SENP6: variants seen among roughly 807,000 people sequenced by gnomAD.
The protein encoded by SENP6 is sentrin-specific protease 6.
In SENP6, 41 loss-of-function variants were observed where a neutral mutation model predicts 134.5. The observed-to-expected ratio is 0.30, with a 90% CI of 0.24 to 0.40. The LOEUF is 0.40. Among genes scored for constraint, SENP6 ranks in the 10% least tolerant of loss-of-function variants. The pLI is 1.00. For missense variants in SENP6, 1,248 were observed against 1,312.5 expected (o/e 0.95, Z 0.76); for synonymous variants, 395 against 429.8 (o/e 0.92, Z 1.00).
rs201645101 is a variant in SENP6, at chr6:75,663,491, A to C, written c.967A>C (p.Thr323Pro). The change falls in exon 9 of 24, where the codon ACA becomes CCA. Residue 323 changes from threonine (T) to proline (P), a missense_variant. Thr to Pro is a conservative substitution (Grantham distance 38). Coordinates refer to ENST00000447266, the MANE Select transcript of SENP6 (RefSeq NM_015571.4). ...PKITNLKERK[T>P]SLSDLNDPII... Reference sequence around the variant, plus strand: ...AATCACAAACTTGAAAGAAAGGAAAACAAGTTTGTCAGACCTAAATGATCC... The same window carrying C: ...AATCACAAACTTGAAAGAAAGGAAACCAAGTTTGTCAGACCTAAATGATCC... 1,502 of 1,611,520 alleles carry C rather than the reference A, an allele frequency of 9.3e-4. No homozygotes were observed. The highest frequency in any genetic ancestry group is 1.2e-3 in the Non-Finnish European group (1,457 of 1,179,620).
At chr6:75,666,680 A>ATATAAAT (rs749531742) in intron 9 of SENP6, 32 bp from the exon 10 acceptor site, 1 of 1,025,512 alleles carries the variant, frequency 9.8e-7, no homozygotes, top group African/African-American at 1.7e-5. Flanking sequence ...TATAGTTTTA[A>ATATAAAT]TATAAATTAT....
intron 5 of SENP6, among the ~76,000 whole-genome samples, chr6:75,637,722 A>G (rs955433301): frequency 6.6e-6 from 1 of 152,122 alleles, no homozygotes; most frequent in Non-Finnish European, 1.5e-5. Context: ...TCTTTTTATC[A>G]TCTTTATCTT....
rs1310595347 is a variant in SENP6, at chr6:75,716,813, A to C, written c.*1219A>C. The stretch of plus-strand genomic sequence containing the variant: ...TGAATTTTTAAATACACATATATCA[A>C]AAATAGTTGAGAATAAAAAGAAAGC... On this transcript the variant is annotated 3_prime_UTR_variant, in exon 24 of 24. Transcript: ENST00000447266. The C allele has an allele frequency of 6.6e-6, 1 of 151,998 alleles. No homozygotes were observed. The highest frequency in any genetic ancestry group is 1.5e-5 in the Non-Finnish European group (1 of 67,842). The allele number at this position is 151,998 out of a possible 1,614,324, so 9.4% of individuals were successfully genotyped here.
At chr6:75,661,718 T>C (rs1771789869) in intron 8 of SENP6, among the ~76,000 whole-genome samples, 1 of 152,160 alleles carries the variant, frequency 6.6e-6, no homozygotes, top group African/African-American at 2.4e-5. Context: ...CCATGTATAG[T>C]CTCTGAAATT....
rs111464982 is a variant in SENP6, at chr6:75,624,965, C to CT, written c.207+1006dup. Among the ~76,000 whole-genome samples, 1,354 of 152,016 alleles carry CT rather than the reference C, an allele frequency of 8.9e-3. 18 individuals are homozygous for CT. Among genetic ancestry groups the CT allele is most frequent in the African/African-American group, 0.031 (1,304 of 41,458 alleles). ...TGGACAACATAGTGAGACTCCATCT[C>CT]TAAAAAATAAAAAATTTTGCACTGT... On this transcript the variant is annotated intron_variant, in intron 3 of 23. Coordinates refer to ENST00000447266, the MANE Select transcript of SENP6 (RefSeq NM_015571.4).
chr6:75,643,319 A>G (rs777881195), intron 6 of SENP6, among the ~76,000 whole-genome samples: 2 of 152,220 alleles, frequency 1.3e-5, no homozygotes, highest in Non-Finnish European at 2.9e-5. Context: ...GTTTACAAGC[A>G]TCATACTAAA....
intron 19 of SENP6, among the ~76,000 whole-genome samples, chr6:75,707,385 A>G (rs1775476100): frequency 2.1e-5 from 2 of 94,834 alleles, no homozygotes; most frequent in South Asian, 6.6e-4. Flanking sequence ...TTTTTTTGAG[A>G]CAGGGTCTCA....
intron 1 of SENP6, among the ~76,000 whole-genome samples, chr6:75,615,304 C>G (rs980108945): frequency 6.6e-6 from 1 of 152,100 alleles, no homozygotes; most frequent in Non-Finnish European, 1.5e-5. Flanking sequence ...GTCAGCCTCC[C>G]GAGTAGCTGG....
intron 1 of SENP6, among the ~76,000 whole-genome samples, chr6:75,614,376 C>T (rs934612413): frequency 6.6e-6 from 1 of 151,210 alleles, no homozygotes; most frequent in African/African-American, 2.4e-5. Flanking sequence ...AGCCATTCTT[C>T]TGCCTCAGCC....
Position 75,705,912 on chromosome 6 carries a change from G to A in SENP6, c.2716+2840G>A, listed in dbSNP as rs1022481553. 1.6e-4 allele frequency among the ~76,000 whole-genome samples: 15 copies of A among 91,864 alleles called. 1 individual carries two copies. Among genetic ancestry groups the A allele is most frequent in the African/African-American group, 5.4e-4 (15 of 27,972 alleles). The allele number at this position is 91,864 out of a possible 152,430, so 60.3% of individuals were successfully genotyped here. A position where few individuals can be genotyped will look rare whatever the true frequency, so the allele number is the denominator to read the frequency against. On this transcript the variant is annotated intron_variant, in intron 19 of 23. Transcript: ENST00000447266. ...TTATATTATTTTAGTGAGTTAGAAAGCTATTTTTGAGCCTTTTTTTTTTTT... is the reference window on the plus strand; with the variant it reads ...TTATATTATTTTAGTGAGTTAGAAAACTATTTTTGAGCCTTTTTTTTTTTT...
intron 1 of SENP6, among the ~76,000 whole-genome samples, chr6:75,612,959 C>CA (rs1360519315): frequency 6.6e-6 from 1 of 151,898 alleles, no homozygotes; most frequent in Non-Finnish European, 1.5e-5. Context: ...ACTAAAAATA[C>CA]AAAAATCAGC....
At chr6:75,679,802 C>T (rs528058285) in intron 16 of SENP6, 4 of 152,240 alleles carry the variant, frequency 2.6e-5, no homozygotes, top group African/African-American at 9.6e-5. Context: ...ATGCATAGTT[C>T]TCTGTAATAT....
chr6:75,675,804 A>G, intron 12 of SENP6, 56 bp from the exon 13 acceptor site: 1 of 1,420,726 alleles, frequency 7.0e-7, no homozygotes, highest in Non-Finnish European at 9.6e-7. Flanking sequence ...AATTTCCCCC[A>G]TTCATGATAT....
intron 16 of SENP6, among the ~76,000 whole-genome samples, chr6:75,682,417 T>A (rs76580912): frequency 4.6e-5 from 7 of 151,914 alleles, no homozygotes; most frequent in African/African-American, 9.7e-5. Context: ...TTTTTTTTTT[T>A]AATTATACTT....
intron 7 of SENP6, among the ~76,000 whole-genome samples, chr6:75,657,875 A>G (rs1265655676): frequency 6.6e-6 from 1 of 152,204 alleles, no homozygotes; most frequent in Non-Finnish European, 1.5e-5. Context: ...AGGGTAAAAG[A>G]GAGAACACAT....
chr6:75,715,455 A>C lies in SENP6; in HGVS notation c.3200A>C (p.Lys1067Thr). 6.2e-7 allele frequency: 1 copy of C among 1,613,616 alleles called. No homozygotes were observed. The highest frequency in any genetic ancestry group is 1.1e-5 in the South Asian group (1 of 91,064). The stretch of plus-strand genomic sequence containing the variant: ...TTTCCTCCACCAAGAATGAGAACAA[A>C]AAGAGAAGAAATCCGAAACATAATT... ...NWFPPPRMRT[K>T]REEIRNIILK... Residue 1067 changes from lysine to threonine, a missense_variant, in exon 24 of 24, where the codon AAA becomes ACA. By Grantham distance (78) the Lys-to-Thr change is moderately conservative (BLOSUM62 -1). This residue lies in a region of SENP6 where 386 missense variants were observed against 395.0 expected (regional missense o/e 0.98). Coordinates refer to ENST00000447266, the MANE Select transcript of SENP6 (RefSeq NM_015571.4).
At chr6:75,658,884 A>G (rs1448067709) in intron 7 of SENP6, among the ~76,000 whole-genome samples, 3 of 149,930 alleles carry the variant, frequency 2.0e-5, no homozygotes, top group Non-Finnish European at 3.0e-5. Flanking sequence ...AGGTGAGAAG[A>G]TCACTTGAGC....
intron 14 of SENP6, chr6:75,677,465 A>C: frequency 4.7e-6 from 2 of 423,026 alleles, no homozygotes; most frequent in Non-Finnish European, 8.5e-6. Flanking sequence ...TCTCAGAAGC[A>C]TTTTTGGTTC....
intron 17 of SENP6, 90 bp from the exon 18 acceptor site, chr6:75,697,335 C>A: frequency 2.2e-6 from 2 of 892,356 alleles, no homozygotes; most frequent in Non-Finnish European, 1.7e-6. Flanking sequence ...TGAGCTATTA[C>A]ATCTGAATCT....
Sources: gnomAD v4.1 joint callset for allele counts (sites outside exome capture counted in the v4.1 genomes callset) on GRCh38, gnomAD v4.1.1 for gene constraint, gnomAD v4.1.1 regional missense constraint, MANE v1.5 for transcripts, NCBI Gene and HGNC (gene_info 2026-07-23, HGNC 2026-07-21) for gene names.